The following PKHD1L1 variants were observed in gnomAD, a reference collection of about 807,000 sequenced individuals.
PKHD1L1 encodes fibrocystin-L.
PKHD1L1 carries 434 observed loss-of-function variants against 462.9 expected under a neutral mutation model. That is an observed-to-expected ratio of 0.94 (90% CI 0.87 to 1.02). The LOEUF is 1.02. PKHD1L1 is among the 50% of genes least tolerant of loss of function. The pLI, the probability that PKHD1L1 is intolerant of heterozygous loss-of-function variation, is 0.00. For synonymous variants in PKHD1L1, 1,781 were observed against 1,750.0 expected, an observed-to-expected ratio of 1.02 and a Z score of -0.44; for missense variants, 5,202 against 5,096.1, an observed-to-expected ratio of 1.02 and a Z score of -0.63.
In PKHD1L1 at chr8:109,400,336, G is replaced by A. The variant is rs1736498549; in HGVS notation, c.1273G>A (p.Glu425Lys). 1.2e-6 allele frequency: 2 copies of A among 1,612,668 alleles called. No individual in the cohort carries two copies. The highest frequency in any genetic ancestry group is 1.7e-6 in the Non-Finnish European group (2 of 1,179,118). The change falls in exon 13 of 78, where the codon GAA becomes AAA. Residue 425 changes from glutamate to lysine, a missense_variant. Glu to Lys is a moderately conservative substitution (Grantham distance 56, BLOSUM62 1). Coordinates refer to ENST00000378402, the MANE Select transcript of PKHD1L1 (RefSeq NM_177531.6). ...TTATTTTAGCCAGACTGGACTTCCA[G>A]AAGATAAGGTAGGGAAGCCTCAGAA... Reference protein sequence around the residue: ...AIYFSQTGLPEDKVRIAYHSA... With the variant: ...AIYFSQTGLPKDKVRIAYHSA...
At chr8:109,402,527 T>G (rs945027648) in intron 14 of PKHD1L1, among the ~76,000 whole-genome samples, 1 of 152,136 alleles carries the variant, frequency 6.6e-6, no homozygotes, top group Non-Finnish European at 1.5e-5. Context: ...TAATGCATAC[T>G]GGGCTTAATA....
At position 109,401,608 on chromosome 8, in the gene PKHD1L1, T is replaced by C; in HGVS notation, c.1373+20T>C. 7.8e-7 allele frequency: 1 copy of C among 1,286,870 alleles called. No individual in the cohort carries two copies. The highest frequency in any genetic ancestry group is 1.3e-5 in the South Asian group (1 of 78,714). 79.7% of individuals were successfully genotyped at this position (1,286,870 alleles called of 1,614,324 possible). On this transcript the variant is annotated intron_variant, in intron 14 of 77. Transcript: ENST00000378402. ...AAAAGAGTAAGGCTTTTTCCTGTCA[T>C]TAAATTACTGTGTGGTATTTATAAG...
At chr8:109,436,046 A>C (rs1815389400) in intron 29 of PKHD1L1, among the ~76,000 whole-genome samples, 1 of 152,212 alleles carries the variant, frequency 6.6e-6, no homozygotes, top group Non-Finnish European at 1.5e-5. Context: ...GGCACTGTGA[A>C]AAATAGCAGA....
rs151329364 is a variant in PKHD1L1 at position 109,449,229 on chromosome 8, C to T, written c.6026-109C>T. ...ATAATTTCAGTTCTAAAAAACTCTT[C>T]ATTTAATGTAACTTACTTTTAACAT... is the stretch of plus-strand genomic sequence containing the variant. On this transcript the variant is annotated intron_variant, in intron 39 of 77. Transcript: ENST00000378402. 7.1e-5 allele frequency: 78 copies of T among 1,092,856 alleles called. No individual in the cohort carries two copies. The African/African-American group carries it at 1.0e-3, about 14-fold the overall frequency. 67.7% of individuals were successfully genotyped at this position (1,092,856 alleles called of 1,614,324 possible). A position where few individuals can be genotyped will look rare whatever the true frequency, so the allele number is the denominator to read the frequency against.
rs200130567 is a variant in PKHD1L1, at chr8:109,440,779, G to A, written c.4026G>A (p.Leu1342=). 5.7e-4 allele frequency: 923 copies of A among 1,613,084 alleles called. No homozygotes were observed. Among genetic ancestry groups the A allele is most frequent in the Non-Finnish European group, 6.4e-4 (749 of 1,179,326 alleles). The change falls in exon 33 of 78, where the codon TTG becomes TTA. Residue 1342 remains leucine, a synonymous_variant. Transcript: ENST00000378402. ...VTSMFPQRGS[L]FGGTEITIRG... ...GCATGTTTCCACAAAGAGGCTCCTT[G>A]TTTGGTGGAACTGAAATCACCATAA...
chr8:109,410,534 C>T (rs1023502720), intron 19 of PKHD1L1, among the ~76,000 whole-genome samples: 3 of 151,896 alleles, frequency 2.0e-5, no homozygotes, highest in African/African-American at 7.3e-5. Flanking sequence ...AACTCACTCA[C>T]TATCATGAGA....
intron 59 of PKHD1L1, among the ~76,000 whole-genome samples, chr8:109,488,276 G>A (rs564767502): frequency 2.6e-5 from 4 of 151,868 alleles, no homozygotes; most frequent in Non-Finnish European, 5.9e-5. Flanking sequence ...TTATTGTTTT[G>A]TTTTTAGTAT....
intron 22 of PKHD1L1, 128 bp downstream of exon 22, chr8:109,419,388 C>A: frequency 1.5e-6 from 1 of 650,682 alleles, no homozygotes; most frequent in Non-Finnish European, 2.4e-6. Context: ...ACTCTTTTAT[C>A]TGAATAATAT....
chr8:109,515,269 C>G lies in PKHD1L1; in HGVS notation c.11653C>G (p.Gln3885Glu). Residue 3885 changes from glutamine to glutamate, a missense_variant, in exon 72 of 78, where the codon CAG (glutamine) becomes GAG (glutamate). Gln to Glu is a conservative substitution (Grantham distance 29, BLOSUM62 2). Around this residue, in one of 3 missense-constraint regions of PKHD1L1, gnomAD observed 698 missense variants for 736.3 expected, o/e 0.95. Coordinates refer to ENST00000378402, the MANE Select transcript of PKHD1L1 (RefSeq NM_177531.6). Reference protein sequence around the residue: ...CPKTTIWNAQQKHCELNNHLY... With the variant: ...CPKTTIWNAQEKHCELNNHLY... Reference sequence around the variant, plus strand: ...AAAAACTACAATATGGAATGCCCAGCAGAAACACTGTGAACTTAATAACCA... The same window carrying G: ...AAAAACTACAATATGGAATGCCCAGGAGAAACACTGTGAACTTAATAACCA... The G allele has an allele frequency of 6.2e-7, 1 of 1,601,628 alleles. No individual in the cohort carries two copies. The highest frequency in any genetic ancestry group is 8.5e-7 in the Non-Finnish European group (1 of 1,172,604).
chr8:109,465,965 GATATGTGCCTCATACTTTGTGAGTCA>G (rs1817420116), intron 49 of PKHD1L1, among the ~76,000 whole-genome samples: 1 of 152,140 alleles, frequency 6.6e-6, no homozygotes, highest in Admixed American at 6.5e-5. Flanking sequence ...AGATAGCGAG[GATATGTGCCTCATACTTTGTGAGTCA>G]ATCGACAGGT....
intron 43 of PKHD1L1, 64 bp downstream of exon 43, chr8:109,452,938 A>G (rs1586547425): frequency 1.6e-6 from 2 of 1,220,358 alleles, no homozygotes; most frequent in Non-Finnish European, 2.1e-6. Flanking sequence ...AACTGATTTA[A>G]TCAAAATCCA....
At chr8:109,523,147 T>C (rs1820638444) in intron 75 of PKHD1L1, 86 bp from the exon 76 acceptor site, 1 of 1,287,008 alleles carries the variant, frequency 7.8e-7, no homozygotes, top group Non-Finnish European at 1.1e-6. Flanking sequence ...TAATGAGGCA[T>C]TTTTAAAAAT....
At chr8:109,408,967 T>G (rs1210318401) in intron 18 of PKHD1L1, among the ~76,000 whole-genome samples, 1 of 152,204 alleles carries the variant, frequency 6.6e-6, no homozygotes, top group African/African-American at 2.4e-5. Context: ...CAGGGCCTAA[T>G]GTATCTCCAT....
rs753528899 is a variant in PKHD1L1 at position 109,436,492 on chromosome 8, C to T, written c.3627+33C>T. ...CTCTGATTTCAGTCACTTTTTCCTC[C>T]TAAGTCTGAAATCTTATAAATTAGG... On this transcript the variant is annotated intron_variant, in intron 30 of 77. Transcript: ENST00000378402. 4 of 1,606,880 alleles carry T rather than the reference C, an allele frequency of 2.5e-6. No homozygotes were observed. In the Admixed American group the frequency reaches 5.1e-5, roughly 20 times the overall value.
chr8:109,515,061 C>A, intron 71 of PKHD1L1, 109 bp from the exon 72 acceptor site: 1 of 874,572 alleles, frequency 1.1e-6, no homozygotes, highest in Non-Finnish European at 1.6e-6. Context: ...ATCCATAAAA[C>A]TTAGTTTTAA....
intron 75 of PKHD1L1, 73 bp downstream of exon 75, chr8:109,522,963 C>T: frequency 9.0e-6 from 13 of 1,436,842 alleles, no homozygotes; most frequent in Non-Finnish European, 1.1e-5. Context: ...GCCAGTTTCA[C>T]TCATCCTGGT....
intron 44 of PKHD1L1, among the ~76,000 whole-genome samples, 176 bp from the exon 45 acceptor site, chr8:109,454,547 G>A (rs1816712007): frequency 2.0e-5 from 3 of 152,112 alleles, no homozygotes; most frequent in Admixed American, 2.0e-4. Flanking sequence ...CTGGCATAGT[G>A]TATTTATTTG....
chr8:109,415,408 CT>C (rs1297802923), intron 21 of PKHD1L1, among the ~76,000 whole-genome samples: 1 of 152,094 alleles, frequency 6.6e-6, no homozygotes, highest in Non-Finnish European at 1.5e-5. Context: ...GAAAGGAAAC[CT>C]TGTTTGTTAA....
At chr8:109,430,698 T>C (rs186062045) in intron 27 of PKHD1L1, among the ~76,000 whole-genome samples, 1 of 152,280 alleles carries the variant, frequency 6.6e-6, no homozygotes, top group African/African-American at 2.4e-5. Flanking sequence ...TATAGTTACA[T>C]ATTTAGTCTT....
Sources: gnomAD v4.1 joint callset for allele counts (sites outside exome capture counted in the v4.1 genomes callset) on GRCh38, gnomAD v4.1.1 for gene constraint, gnomAD v4.1.1 regional missense constraint, MANE v1.5 for transcripts, NCBI Gene and HGNC (gene_info 2026-07-23, HGNC 2026-07-21) for gene names.